The following SIPA1L2 variants were observed in gnomAD, a reference collection of about 807,000 sequenced individuals.
SIPA1L2 encodes the protein signal induced proliferation associated 1 like 2, also known as signal-induced proliferation-associated 1-like protein 2.
SIPA1L2 carries 56 observed loss-of-function variants against 163.9 expected under a neutral mutation model. The observed-to-expected ratio is 0.34, with a 90% confidence interval of 0.28 to 0.43. The LOEUF (loss-of-function observed/expected upper bound fraction) is 0.43, where lower values mean the gene tolerates loss of function less well. Ranked by LOEUF, SIPA1L2 falls within the 20% of genes least tolerant of loss-of-function variation. SIPA1L2 has a pLI of 1.00. For missense variants in SIPA1L2, 1,974 were observed against 2,193.5 expected, an observed-to-expected ratio of 0.90 and a Z score of 2.00; for synonymous variants, 877 against 865.7, an observed-to-expected ratio of 1.01 and a Z score of -0.23.
chr1:232,529,818 G>C (rs913061190), intron 2 of SIPA1L2, among the ~76,000 whole-genome samples: 1 of 152,172 alleles, frequency 6.6e-6, no homozygotes, highest in Admixed American at 6.5e-5. Flanking sequence ...AAAAGGTATT[G>C]CCAACTTTGG....
intron 2 of SIPA1L2, among the ~76,000 whole-genome samples, chr1:232,542,404 A>T (rs1657740601): frequency 6.6e-6 from 1 of 152,198 alleles, no homozygotes; most frequent in African/African-American, 2.4e-5. Context: ...ACTGTATGCA[A>T]AGTGCACTCT....
intron 2 of SIPA1L2, among the ~76,000 whole-genome samples, chr1:232,547,504 C>A (rs373444092): frequency 3.0e-5 from 4 of 131,456 alleles, no homozygotes; most frequent in Non-Finnish European, 6.2e-5. Flanking sequence ...TCTATTCAAG[C>A]GTGTTTCCAG....
chr1:232,595,502 C>A (rs1661212232), intron 1 of SIPA1L2, among the ~76,000 whole-genome samples: 1 of 152,220 alleles, frequency 6.6e-6, no homozygotes, highest in Non-Finnish European at 1.5e-5. Flanking sequence ...TGACTCCTTT[C>A]AGCTGTCACA....
intron 2 of SIPA1L2, among the ~76,000 whole-genome samples, chr1:232,555,945 G>C (rs1337064920): frequency 6.6e-6 from 1 of 152,208 alleles, no homozygotes; most frequent in East Asian, 1.9e-4. Context: ...TCCTTGAATA[G>C]CATTTTGCAG....
At chr1:232,432,516 G>A in intron 15 of SIPA1L2, 45 bp from the exon 16 acceptor site, 1 of 1,566,420 alleles carries the variant, frequency 6.4e-7, no homozygotes, top group Non-Finnish European at 8.8e-7. Context: ...TCTGATTTCA[G>A]CAGTGCTGGC....
At chr1:232,556,711 T>C (rs1658728338) in intron 2 of SIPA1L2, among the ~76,000 whole-genome samples, 1 of 143,780 alleles carries the variant, frequency 7.0e-6, no homozygotes. Context: ...TCTTATCCTC[T>C]CATACAAACA....
chr1:232,522,624 G>C (rs1364046625), intron 2 of SIPA1L2, among the ~76,000 whole-genome samples: 1 of 151,944 alleles, frequency 6.6e-6, no homozygotes, highest in Non-Finnish European at 1.5e-5. Flanking sequence ...TGGACCCTCG[G>C]CAAATATCCA....
Position 232,514,875 on chromosome 1 carries a change from G to A in SIPA1L2, c.465C>T (p.Pro155=), listed in dbSNP as rs1440066324. 1 of 1,614,156 alleles carries A rather than the reference G, an allele frequency of 6.2e-7. No homozygotes were observed. The highest frequency in any genetic ancestry group is 8.5e-7 in the Non-Finnish European group (1 of 1,180,022). ...CATCACTATTGCTCCTCTGTCTTAT[G>A]GGGTGAAGTCCTCTTTGGGGGGAAT... The part of the protein sequence containing the change: ...FVHSPQRGLH[P]IRQRSNSDVT... The change falls in exon 3 of 23, where the codon CCC becomes CCT. Residue 155 remains proline, a synonymous_variant. Transcript: ENST00000674635.
chr1:232,592,298 C>T (rs993657130), intron 1 of SIPA1L2, among the ~76,000 whole-genome samples: 2 of 152,168 alleles, frequency 1.3e-5, no homozygotes. Flanking sequence ...GCCATGAAGA[C>T]AATTTTCCTC....
intron 1 of SIPA1L2, among the ~76,000 whole-genome samples, chr1:232,596,442 A>G (rs1661258285): frequency 6.6e-6 from 1 of 152,224 alleles, no homozygotes; most frequent in Non-Finnish European, 1.5e-5. Context: ...GCTCCATCAA[A>G]GCAGAACTGG....
intron 7 of SIPA1L2, among the ~76,000 whole-genome samples, chr1:232,472,965 A>G (rs1167134098): frequency 1.3e-5 from 2 of 152,220 alleles, no homozygotes; most frequent in Non-Finnish European, 2.9e-5. Flanking sequence ...TCCTACTTAA[A>G]TCCCCATGGT....
chr1:232,568,358 G>C (rs1316574692), intron 2 of SIPA1L2, among the ~76,000 whole-genome samples: 1 of 152,242 alleles, frequency 6.6e-6, no homozygotes, highest in Non-Finnish European at 1.5e-5. Context: ...CAGCCAGCTA[G>C]TGTTTGCTGC....
chr1:232,577,213 C>G (rs1443526057), intron 1 of SIPA1L2, among the ~76,000 whole-genome samples: 1 of 152,172 alleles, frequency 6.6e-6, no homozygotes, highest in Non-Finnish European at 1.5e-5. Context: ...TGCCCGTGCT[C>G]TATCATTGGA....
Position 232,541,233 on chromosome 1 carries a change from C to A in SIPA1L2, c.-269-25625G>T, listed in dbSNP as rs1366638844. ...TAACACACCTGCACATGTATCACAT[C>A]ACATAACATAACATTAACATAACAT... is the stretch of plus-strand genomic sequence containing the variant. On this transcript the variant is annotated intron_variant, in intron 2 of 22. Coordinates refer to ENST00000674635, the MANE Select transcript of SIPA1L2 (RefSeq NM_020808.5). Among the ~76,000 whole-genome samples the A allele has an allele frequency of 1.1e-4, 15 of 135,378 alleles. No homozygotes were observed. The South Asian group carries it at 1.4e-3, about 13-fold the overall frequency. The allele number at this position is 135,378 out of a possible 152,430, so 88.8% of individuals were successfully genotyped here. A position where few individuals can be genotyped will look rare whatever the true frequency, so the allele number is the denominator to read the frequency against.
Position 232,441,279 on chromosome 1 carries a change from C to T in SIPA1L2, c.3642+12G>A. 2 of 1,586,812 alleles carry T rather than the reference C, an allele frequency of 1.3e-6. No homozygotes were observed. Among genetic ancestry groups the T allele is most frequent in the Non-Finnish European group, 1.7e-6 (2 of 1,171,666 alleles). On this transcript the variant is annotated intron_variant, in intron 14 of 22. Coordinates refer to ENST00000674635, the MANE Select transcript of SIPA1L2 (RefSeq NM_020808.5). ...GCTAGGCCAGTGAAGGGCTTATGAACAAAGGACTTACGTGAGAAAGCTTAT... is the reference window on the plus strand; with the variant it reads ...GCTAGGCCAGTGAAGGGCTTATGAATAAAGGACTTACGTGAGAAAGCTTAT...
intron 2 of SIPA1L2, among the ~76,000 whole-genome samples, chr1:232,562,070 A>C (rs1437337230): frequency 1.3e-5 from 2 of 152,212 alleles, no homozygotes; most frequent in Non-Finnish European, 2.9e-5. Flanking sequence ...ACAAATCCCC[A>C]GGAGTTTTGG....
rs774175171 is a variant in SIPA1L2 at position 232,514,090 on chromosome 1, C to T, written c.1250G>A (p.Gly417Glu). ...CGCAATCCGCCTGTCGCCTTCCCCT[C>T]CAGTCTCATTTCTAAAGTAAGGACA... Reference protein sequence around the residue: ...LSCPYFRNETGGEGDRRIALS... With the variant: ...LSCPYFRNETEGEGDRRIALS... The change falls in exon 3 of 23, where the codon GGA (glycine) becomes GAA (glutamate). Residue 417 changes from glycine (G) to glutamate (E), a missense_variant. By Grantham distance (98) the Gly-to-Glu change is moderately conservative (BLOSUM62 -2). Around this residue, in one of 3 missense-constraint regions of SIPA1L2, gnomAD observed 607 missense variants for 624.0 expected, o/e 0.97. Coordinates refer to ENST00000674635, the MANE Select transcript of SIPA1L2 (RefSeq NM_020808.5). 6.2e-7 allele frequency: 1 copy of T among 1,614,186 alleles called. No individual in the cohort carries two copies. Among genetic ancestry groups the T allele is most frequent in the Non-Finnish European group, 8.5e-7 (1 of 1,180,030 alleles).
chr1:232,461,566 T>C (rs1193393012), intron 9 of SIPA1L2, among the ~76,000 whole-genome samples: 1 of 152,212 alleles, frequency 6.6e-6, no homozygotes, highest in African/African-American at 2.4e-5. Flanking sequence ...AATCCCATCG[T>C]TCTAGATGGA....
At chr1:232,466,700 A>C (rs552691886) in intron 8 of SIPA1L2, among the ~76,000 whole-genome samples, 4 of 152,188 alleles carry the variant, frequency 2.6e-5, no homozygotes, top group Non-Finnish European at 5.9e-5. Flanking sequence ...CTGAGGAAGG[A>C]GAATGGTGTG....
Sources: allele counts gnomAD v4.1 joint callset (sites outside exome capture counted in the v4.1 genomes callset), GRCh38; gene constraint gnomAD v4.1.1; regional missense constraint gnomAD v4.1.1; transcripts MANE v1.5; gene names NCBI Gene and HGNC (gene_info 2026-07-23, HGNC 2026-07-21).